Variants in DGKB observed in about 807,000 individuals in gnomAD.
DGKB encodes diacylglycerol kinase beta, also known as 90 kDa diacylglycerol kinase.
In DGKB, 67 loss-of-function variants were observed where a neutral mutation model predicts 114.3. The ratio of observed to expected loss-of-function variants is 0.59; its 90% CI spans 0.48 to 0.72. The LOEUF is 0.72. Among genes scored for constraint, DGKB ranks in the 30% least tolerant of loss-of-function variants. DGKB has a pLI of 0.00. For synonymous variants in DGKB, 398 were observed against 323.1 expected, an observed-to-expected ratio of 1.23 and a Z score of -2.49; for missense variants, 907 against 975.2, an observed-to-expected ratio of 0.93 and a Z score of 0.93.
intron 13 of DGKB, among the ~76,000 whole-genome samples, chr7:14,633,040 A>G (rs1313679698): frequency 6.6e-6 from 1 of 151,886 alleles, no homozygotes; most frequent in African/African-American, 2.4e-5. Flanking sequence ...AAAGAAAAAG[A>G]AAAGACACTG....
intron 2 of DGKB, among the ~76,000 whole-genome samples, chr7:14,835,420 C>T (rs1343270072): frequency 6.6e-6 from 1 of 152,192 alleles, no homozygotes; most frequent in Non-Finnish European, 1.5e-5. Context: ...GTATACATCA[C>T]AGCACTAGCC....
chr7:14,286,237 T>TGTCA (rs1800853195), intron 23 of DGKB, among the ~76,000 whole-genome samples: 1 of 152,142 alleles, frequency 6.6e-6, no homozygotes, highest in East Asian at 1.9e-4. Flanking sequence ...CCCAGGGCTA[T>TGTCA]GTCATTTCAC....
At chr7:14,385,553 A>G (rs1269938305) in intron 21 of DGKB, among the ~76,000 whole-genome samples, 1 of 152,196 alleles carries the variant, frequency 6.6e-6, no homozygotes, top group Non-Finnish European at 1.5e-5. Context: ...GGAGATTACT[A>G]CCTTTTACAG....
At chr7:14,481,824 G>T (rs980367773) in intron 20 of DGKB, among the ~76,000 whole-genome samples, 1 of 151,768 alleles carries the variant, frequency 6.6e-6, no homozygotes, top group Non-Finnish European at 1.5e-5. Flanking sequence ...GCTGGTTTTC[G>T]GTGCTGTATT....
chr7:14,910,178 T>C (rs1587362265), intron 1 of DGKB, among the ~76,000 whole-genome samples: 1 of 150,320 alleles, frequency 6.7e-6, no homozygotes, highest in Admixed American at 6.7e-5. Flanking sequence ...GAGGCAGAGG[T>C]TGCAGTGATC....
At chr7:14,602,433 A>G (rs575077668) in intron 17 of DGKB, among the ~76,000 whole-genome samples, 2 of 152,316 alleles carry the variant, frequency 1.3e-5, no homozygotes, top group South Asian at 4.1e-4. Flanking sequence ...TGTGTCTCCA[A>G]AATTAATGCT....
chr7:14,755,808 T>G (rs1834787157), intron 3 of DGKB, among the ~76,000 whole-genome samples: 1 of 152,110 alleles, frequency 6.6e-6, no homozygotes, highest in Non-Finnish European at 1.5e-5. Context: ...AGGAAAAATT[T>G]TATGAAAATT....
chr7:14,528,617 T>G (rs956265621), intron 20 of DGKB, among the ~76,000 whole-genome samples: 1 of 151,994 alleles, frequency 6.6e-6, no homozygotes, highest in Admixed American at 6.6e-5. Context: ...TGGACAGTAA[T>G]TGAAGAGTAG....
chr7:14,335,731 T>C (rs952810819), intron 23 of DGKB, among the ~76,000 whole-genome samples: 1 of 152,144 alleles, frequency 6.6e-6, no homozygotes, highest in Non-Finnish European at 1.5e-5. Flanking sequence ...CTATTGCTGC[T>C]TTGTTGTGTT....
At chr7:14,201,431 T>G (rs1785859601) in intron 23 of DGKB, among the ~76,000 whole-genome samples, 1 of 151,914 alleles carries the variant, frequency 6.6e-6, no homozygotes, top group South Asian at 2.1e-4. Flanking sequence ...AGCATTGAAA[T>G]AATGCTGATG....
intron 13 of DGKB, among the ~76,000 whole-genome samples, chr7:14,646,728 C>T (rs1392804333): frequency 8.6e-5 from 13 of 151,824 alleles, no homozygotes; most frequent in African/African-American, 2.9e-4. Flanking sequence ...AAACAACATG[C>T]TCCTGAATGA....
At chr7:14,611,401 T>C (rs1805517508) in intron 16 of DGKB, among the ~76,000 whole-genome samples, 2 of 152,098 alleles carry the variant, frequency 1.3e-5, no homozygotes. Context: ...AAAGTTTATG[T>C]GGATTTATGA....
intron 21 of DGKB, among the ~76,000 whole-genome samples, chr7:14,431,387 T>C (rs1828430776): frequency 6.6e-6 from 1 of 152,154 alleles, no homozygotes; most frequent in African/African-American, 2.4e-5. Flanking sequence ...TTTTCTGCTT[T>C]TTTAAGTGAA....
At chr7:14,848,812 G>T (rs2128154307) in intron 1 of DGKB, among the ~76,000 whole-genome samples, 1 of 152,232 alleles carries the variant, frequency 6.6e-6, no homozygotes, top group Admixed American at 6.5e-5. Flanking sequence ...GTCCATATTT[G>T]TTCCAGAGCT....
chr7:14,581,012 TAAA>T, intron 18 of DGKB, 61 bp from the exon 19 acceptor site: 1 of 1,185,638 alleles, frequency 8.4e-7, no homozygotes. Flanking sequence ...ACGACGGAAA[TAAA>T]AAGATAGCCT....
chr7:14,415,548 G>T (rs1037059089), intron 21 of DGKB, among the ~76,000 whole-genome samples: 3 of 151,358 alleles, frequency 2.0e-5, no homozygotes, highest in Non-Finnish European at 4.4e-5. Flanking sequence ...GCGATAGTTT[G>T]CTGAGAATGA....
At chr7:14,336,034 A>C (rs555912323) in intron 23 of DGKB, among the ~76,000 whole-genome samples, 1 of 152,280 alleles carries the variant, frequency 6.6e-6, no homozygotes, top group South Asian at 2.1e-4. Flanking sequence ...GTGAGCCACC[A>C]TGCCTGCCCT....
In DGKB at chr7:14,682,774, C is replaced by T; in HGVS notation, c.897G>A (p.Val299=). 1.2e-6 allele frequency: 2 copies of T among 1,611,540 alleles called. No individual in the cohort carries two copies. Among genetic ancestry groups the T allele is most frequent in the Non-Finnish European group, 1.7e-6 (2 of 1,178,570 alleles). The change falls in exon 11 of 26, where the codon GTG becomes GTA. Residue 299 remains valine, a synonymous_variant. Coordinates refer to ENST00000402815, the MANE Select transcript of DGKB (RefSeq NM_001350709.2). ...RAPPSCIKTY[V]KSKRNTDVMH... ...TTACATCAGTGTTCCTTTTGGACTT[C>T]ACATAGGTCTTGATGCAAGAGGGAG...
intron 21 of DGKB, among the ~76,000 whole-genome samples, chr7:14,470,271 C>T (rs762142873): frequency 6.6e-6 from 1 of 151,882 alleles, no homozygotes; most frequent in African/African-American, 2.4e-5. Flanking sequence ...AAATGACAAA[C>T]ATTTAACTTT....
Sources: gnomAD v4.1 joint callset for allele counts (sites outside exome capture counted in the v4.1 genomes callset) on GRCh38, gnomAD v4.1.1 for gene constraint, MANE v1.5 for transcripts, NCBI Gene and HGNC (gene_info 2026-07-23, HGNC 2026-07-21) for gene names.